FOXJ3: variants seen among roughly 807,000 people sequenced by gnomAD.
The protein encoded by FOXJ3 is forkhead box protein J3.
FOXJ3 carries 22 observed loss-of-function variants against 76.1 expected under a neutral mutation model. The ratio of observed to expected loss-of-function variants is 0.29; its 90% confidence interval spans 0.21 to 0.41. FOXJ3 has a LOEUF of 0.41. Ranked by LOEUF, FOXJ3 falls within the 10% of genes least tolerant of loss-of-function variation. The pLI is 1.00. For missense variants in FOXJ3, 613 were observed against 762.1 expected (o/e 0.80, Z 2.30); for synonymous variants, 269 against 261.2 (o/e 1.03, Z -0.29).
intron 5 of FOXJ3, among the ~76,000 whole-genome samples, chr1:42,209,862 C>T (rs565804284): frequency 1.8e-4 from 28 of 152,276 alleles, no homozygotes; most frequent in Admixed American, 7.2e-4. Context: ...CAGATGGAAC[C>T]CCTTGGCCAG....
chr1:42,234,290 A>T (rs1648399346), intron 4 of FOXJ3, among the ~76,000 whole-genome samples: 1 of 151,738 alleles, frequency 6.6e-6, no homozygotes, highest in Non-Finnish European at 1.5e-5. Context: ...TATTCTAGTT[A>T]GCCATTTGTT....
intron 2 of FOXJ3, among the ~76,000 whole-genome samples, chr1:42,305,723 C>T (rs762301272): frequency 6.6e-6 from 1 of 151,962 alleles, no homozygotes; most frequent in African/African-American, 2.4e-5. Context: ...GAAGGGTAAG[C>T]GGGGTATCAG....
In FOXJ3 at chr1:42,335,043, G is replaced by A. The variant is rs1656398011; in HGVS notation, c.-18+16C>T. ...CCCGCCGCCCAGGCCCGGCCGCCCT[G>A]GCGGGGGGCACTTACCTCAGGCTGC... On this transcript the variant is annotated intron_variant, in intron 1 of 12. Transcript: ENST00000361346. 6.6e-6 allele frequency: 1 copy of A among 152,360 alleles called. No individual in the cohort carries two copies. The highest frequency in any genetic ancestry group is 1.5e-5 in the Non-Finnish European group (1 of 68,330). 9.4% of individuals were successfully genotyped at this position (152,360 alleles called of 1,614,324 possible). A position where few individuals can be genotyped will look rare whatever the true frequency, so the allele number is the denominator to read the frequency against.
Position 42,191,398 on chromosome 1 carries a change from G to C in FOXJ3, c.1256C>G (p.Ser419Cys). 8 of 1,608,308 alleles carry C rather than the reference G, an allele frequency of 5.0e-6. No individual in the cohort carries two copies. The highest frequency in any genetic ancestry group is 6.8e-6 in the Non-Finnish European group (8 of 1,175,296). The change falls in exon 9 of 13, where the codon TCT (serine) becomes TGT (cysteine). Residue 419 changes from serine to cysteine, a missense_variant. Transcript: ENST00000361346. Reference protein sequence around the residue: ...QLQSPHPQHPSPHQHIQHHPN... With the variant: ...QLQSPHPQHPCPHQHIQHHPN... ...ATGGTGCTGTATGTGTTGATGTGGA[G>C]AGGGATGCTGGGGGTGAGGGGACTG...
chr1:42,316,349 T>TTTTTTTTTTTTTTTCC (rs1553169820), intron 1 of FOXJ3, among the ~76,000 whole-genome samples: 1 of 135,090 alleles, frequency 7.4e-6, no homozygotes, highest in Non-Finnish European at 1.6e-5. Context: ...TTTTTTTTTT[T>TTTTTTTTTTTTTTTCC]CTGTAGAAAC....
At chr1:42,299,048 G>C (rs1453204330) in intron 2 of FOXJ3, among the ~76,000 whole-genome samples, 1 of 152,156 alleles carries the variant, frequency 6.6e-6, no homozygotes, top group Non-Finnish European at 1.5e-5. Context: ...ATTGAGACTT[G>C]CTTTAATGGC....
chr1:42,277,973 T>C (rs1295993390), intron 3 of FOXJ3, among the ~76,000 whole-genome samples: 4 of 114,546 alleles, frequency 3.5e-5, no homozygotes, highest in Non-Finnish European at 5.0e-5. Context: ...CGAGACTCCA[T>C]CTCAAAAAAA....
At chr1:42,189,660 T>C in intron 9 of FOXJ3, 1 of 360,044 alleles carries the variant, frequency 2.8e-6, no homozygotes, top group Non-Finnish European at 5.2e-6. Context: ...TCATGATGAA[T>C]CTAAGACTTG....
intron 2 of FOXJ3, among the ~76,000 whole-genome samples, chr1:42,301,077 G>A (rs548963816): frequency 6.6e-6 from 1 of 152,306 alleles, no homozygotes; most frequent in South Asian, 2.1e-4. Flanking sequence ...GACTAGGGAA[G>A]TTTTCCCTAA....
chr1:42,184,103 G>A (rs1336791199), intron 11 of FOXJ3, among the ~76,000 whole-genome samples: 1 of 152,002 alleles, frequency 6.6e-6, no homozygotes, highest in Non-Finnish European at 1.5e-5. Context: ...AATGCTGATC[G>A]GTCTTCACAT....
At chr1:42,213,109 A>G (rs553298954) in intron 5 of FOXJ3, among the ~76,000 whole-genome samples, 2 of 152,324 alleles carry the variant, frequency 1.3e-5, no homozygotes, top group African/African-American at 4.8e-5. Context: ...TTGATGCGCA[A>G]AAGAATAGAA....
At chr1:42,303,978 C>CTTGTTTACAGATG (rs1447219707) in intron 2 of FOXJ3, among the ~76,000 whole-genome samples, 1 of 151,938 alleles carries the variant, frequency 6.6e-6, no homozygotes, top group Non-Finnish European at 1.5e-5. Context: ...GGAAGAGGTC[C>CTTGTTTACAGATG]AAATTATCCT....
intron 3 of FOXJ3, among the ~76,000 whole-genome samples, chr1:42,266,830 A>AC (rs1260102402): frequency 6.6e-6 from 1 of 152,114 alleles, no homozygotes; most frequent in Non-Finnish European, 1.5e-5. Context: ...AAAACCTGTC[A>AC]CCCATAGGAC....
intron 6 of FOXJ3, among the ~76,000 whole-genome samples, chr1:42,204,182 T>G (rs765034446): frequency 5.1e-4 from 78 of 151,900 alleles, no homozygotes; most frequent in Non-Finnish European, 1.0e-3. Flanking sequence ...CAAAGGAAAA[T>G]ATACAAAGCT....
At chr1:42,299,318 G>A (rs1009930598) in intron 2 of FOXJ3, among the ~76,000 whole-genome samples, 3 of 150,616 alleles carry the variant, frequency 2.0e-5, no homozygotes, top group Admixed American at 2.0e-4. Flanking sequence ...ATTTAGGATA[G>A]TTAAATCTTC....
chr1:42,190,633 T>C (rs886109463), intron 9 of FOXJ3, among the ~76,000 whole-genome samples: 2 of 152,180 alleles, frequency 1.3e-5, no homozygotes, highest in Admixed American at 6.5e-5. Flanking sequence ...TCCAGATCTC[T>C]TGAGGTAAAC....
At position 42,335,209 on chromosome 1, in the gene FOXJ3, A is replaced by G. The variant is rs1557735386; in HGVS notation, c.-168T>C. 6.6e-6 allele frequency: 1 copy of G among 151,862 alleles called. No individual in the cohort carries two copies. The highest frequency in any genetic ancestry group is 1.5e-5 in the Non-Finnish European group (1 of 67,976). 9.4% of individuals were successfully genotyped at this position (151,862 alleles called of 1,614,324 possible). Reference sequence around the variant, plus strand: ...GGCGGCGGCAGCAAGAGCAGCCAACATCCGGGGCCGCGCACCCGGAACTAC... The same window carrying G: ...GGCGGCGGCAGCAAGAGCAGCCAACGTCCGGGGCCGCGCACCCGGAACTAC... On this transcript the variant is annotated 5_prime_UTR_variant, in exon 1 of 13. It removes an upstream start codon present in the reference 5' UTR. Transcript: ENST00000361346.
intron 5 of FOXJ3, among the ~76,000 whole-genome samples, chr1:42,218,593 C>A (rs926162284): frequency 1.3e-5 from 2 of 152,318 alleles, no homozygotes; most frequent in African/African-American, 4.8e-5. Flanking sequence ...AAACTATCCA[C>A]AGCAATTTCC....
intron 3 of FOXJ3, among the ~76,000 whole-genome samples, chr1:42,270,142 ATTACTGCCCCCAGCC>A (rs974552052): frequency 1.7e-4 from 26 of 152,278 alleles, no homozygotes; most frequent in African/African-American, 5.8e-4. Flanking sequence ...ATCTGCAAAG[ATTACTGCCCCCAGCC>A]TTACTCCATC....
Sources: allele counts gnomAD v4.1 joint callset (sites outside exome capture counted in the v4.1 genomes callset), GRCh38; gene constraint gnomAD v4.1.1; transcripts MANE v1.5; gene names NCBI Gene and HGNC (gene_info 2026-07-23, HGNC 2026-07-21).